The following ELK1 variants were observed in gnomAD, a reference collection of about 807,000 sequenced individuals.
ELK1 encodes ETS domain-containing protein Elk-1.
For missense variants in ELK1, 254 were observed against 381.5 expected (o/e 0.67, Z 2.78); for synonymous variants, 163 against 176.3 (o/e 0.92, Z 0.60).
At position 47,636,569 on chromosome X, in the gene ELK1, G is replaced by A. The variant is rs1028329600; in HGVS notation, c.*260C>T. Reference sequence around the variant, plus strand: ...CCTTCAAAAAATAAATAAATAAACCGCCCCTACCATTGAAGTAGGAGACGT... The same window carrying A: ...CCTTCAAAAAATAAATAAATAAACCACCCCTACCATTGAAGTAGGAGACGT... On this transcript the variant is annotated 3_prime_UTR_variant, in exon 7 of 7. Coordinates refer to ENST00000376983, the MANE Select transcript of ELK1 (RefSeq NM_001114123.3). The A allele has an allele frequency of 1.1e-4, 33 of 310,331 alleles. No individual in the cohort carries two copies. The highest frequency in any genetic ancestry group is 7.0e-4 in the African/African-American group (26 of 37,276). 25.6% of individuals were successfully genotyped at this position (310,331 alleles called of 1,213,427 possible). A position where few individuals can be genotyped will look rare whatever the true frequency, so the allele number is the denominator to read the frequency against.
Position 47,636,765 on chromosome X carries a change from T to G in ELK1, c.*64A>C. The G allele has an allele frequency of 1.0e-6, 1 of 987,054 alleles. No homozygotes were observed. Among genetic ancestry groups the G allele is most frequent in the Non-Finnish European group, 1.4e-6 (1 of 737,517 alleles). 81.3% of individuals were successfully genotyped at this position (987,054 alleles called of 1,213,427 possible). A position where few individuals can be genotyped will look rare whatever the true frequency, so the allele number is the denominator to read the frequency against. Reference sequence around the variant, plus strand: ...AGTTGAACTATGTTTCTCCTTGAGATGGCTGGCTGGAGAGAGCATGGATGG... The same window carrying G: ...AGTTGAACTATGTTTCTCCTTGAGAGGGCTGGCTGGAGAGAGCATGGATGG... On this transcript the variant is annotated 3_prime_UTR_variant, in exon 7 of 7. Transcript: ENST00000376983.
rs187339601 is a variant in ELK1 at position 47,645,651 on chromosome X, G to A, written c.-34-4176C>T. On this transcript the variant is annotated intron_variant, in intron 2 of 6. Transcript: ENST00000376983. Reference sequence around the variant, plus strand: ...CCTCTGTGGGGGAGGGCCTTCAGGCGGAGCGAACGGCGTGTACAAAGGCTC... The same window carrying A: ...CCTCTGTGGGGGAGGGCCTTCAGGCAGAGCGAACGGCGTGTACAAAGGCTC... Among the ~76,000 whole-genome samples, 224 of 112,227 alleles carry A rather than the reference G, an allele frequency of 2.0e-3. 1 individual carries two copies. The highest frequency in any genetic ancestry group is 6.8e-3 in the African/African-American group (211 of 30,929).
Position 47,636,882 on chromosome X carries a change from C to T in ELK1, c.1234G>A (p.Val412Met), listed in dbSNP as rs201735887. 192 of 1,167,174 alleles carry T rather than the reference C, an allele frequency of 1.6e-4. 1 individual carries two copies. In the East Asian group the frequency reaches 5.3e-3, roughly 32 times the overall value. ...ACCACGGGGGTCGAGAGGCCATCCA[C>T]GCTGATAGAAGGGATGTGCACCTGG... Reference protein sequence around the residue: ...SAQVHIPSISVDGLSTPVVLS... With the variant: ...SAQVHIPSISMDGLSTPVVLS... The change falls in exon 7 of 7, where the codon GTG (valine) becomes ATG (methionine). Residue 412 changes from valine to methionine, a missense_variant. By Grantham distance (21) the Val-to-Met change is conservative (BLOSUM62 1). Transcript: ENST00000376983.
intron 2 of ELK1, among the ~76,000 whole-genome samples, chrX:47,643,911 G>A (rs1432726284): frequency 9.0e-6 from 1 of 111,479 alleles, no homozygotes; most frequent in African/African-American, 3.3e-5. Context: ...TAGGCTAAAC[G>A]GCCCCTCACA....
In ELK1 at chrX:47,637,034, G is replaced by A. The variant is rs1397367673; in HGVS notation, c.1167C>T (p.Ser389=). Reference sequence around the variant, plus strand: ...CTACCTGGAAGGAGAGCTTGGCCGGGCTACGGGGCGCAATGGGACTCAGGG... The same window carrying A: ...CTACCTGGAAGGAGAGCTTGGCCGGACTACGGGGCGCAATGGGACTCAGGG... ...WSTLSPIAPR[S]PAKLSFQFPS... is the part of the protein sequence containing the mutation. Residue 389 remains serine (S), a synonymous_variant, in exon 6 of 7, where the codon AGC becomes AGT. Transcript: ENST00000376983. 8.3e-7 allele frequency: 1 copy of A among 1,210,453 alleles called. No homozygotes were observed. Among genetic ancestry groups the A allele is most frequent in the Non-Finnish European group, 1.1e-6 (1 of 894,994 alleles).
Position 47,636,823 on chromosome X carries a change from T to C in ELK1, c.*6A>G. ...CCAGAAGGGGTGGTGGTGGTGGTGG[T>C]AGTAGTCATGGCTTCTGGGGCCCTG... On this transcript the variant is annotated 3_prime_UTR_variant, in exon 7 of 7. Transcript: ENST00000376983. 1.8e-6 allele frequency: 2 copies of C among 1,134,878 alleles called. No homozygotes were observed. Among genetic ancestry groups the C allele is most frequent in the East Asian group, 3.3e-5 (1 of 30,499 alleles). The allele number at this position is 1,134,878 out of a possible 1,213,427, so 93.5% of individuals were successfully genotyped here. A position where few individuals can be genotyped will look rare whatever the true frequency, so the allele number is the denominator to read the frequency against.
At chrX:47,646,386 G>A (rs756534014) in intron 2 of ELK1, among the ~76,000 whole-genome samples, 3 of 110,983 alleles carry the variant, frequency 2.7e-5, no homozygotes, top group South Asian at 7.7e-4. Flanking sequence ...GGAACTCCTG[G>A]GCTCAAGTGA....
intron 2 of ELK1, among the ~76,000 whole-genome samples, chrX:47,642,408 T>C (rs2058031318): frequency 1.4e-5 from 1 of 70,067 alleles, no homozygotes; most frequent in African/African-American, 4.4e-5. Flanking sequence ...TTCAGGAGGT[T>C]TTTTTTTTGC....
intron 2 of ELK1, among the ~76,000 whole-genome samples, chrX:47,649,558 G>A (rs2058053244): frequency 9.1e-6 from 1 of 110,189 alleles, no homozygotes; most frequent in African/African-American, 3.3e-5. Flanking sequence ...AGGGGAAGGG[G>A]AGCAGAAAAC....
At chrX:47,649,521 G>A (rs2058053096) in intron 2 of ELK1, among the ~76,000 whole-genome samples, 1 of 110,833 alleles carries the variant, frequency 9.0e-6, no homozygotes, top group African/African-American at 3.3e-5. Flanking sequence ...CCACTGCAAA[G>A]GGAGGGGTGA....
At position 47,639,144 on chromosome X, in the gene ELK1, C is replaced by G; in HGVS notation, c.405G>C (p.Lys135Asn). The change falls in exon 4 of 7, where the codon AAG (lysine) becomes AAC (asparagine). Residue 135 changes from lysine to asparagine, a missense_variant. Physicochemically the swap from Lys to Asn is moderately conservative, Grantham distance 94. Coordinates refer to ENST00000376983, the MANE Select transcript of ELK1 (RefSeq NM_001114123.3). ...CGCCTGGGCCTGCCATTCCTGCACC[C>G]TTGGGTGTGCCTGGCTTTCCAGAGA... ...DTVSGKPGTP[K>N]GAGMAGPGGL... 1.7e-6 allele frequency: 2 copies of G among 1,207,382 alleles called. No homozygotes were observed. The highest frequency in any genetic ancestry group is 2.2e-6 in the Non-Finnish European group (2 of 893,253).
intron 2 of ELK1, among the ~76,000 whole-genome samples, chrX:47,647,546 AGT>A (rs2058047536): frequency 8.9e-6 from 1 of 112,021 alleles, no homozygotes; most frequent in African/African-American, 3.3e-5. Context: ...CACCTAGAAG[AGT>A]GCCTGGTACT....
At chrX:47,650,359 CG>C in intron 1 of ELK1, 63 bp downstream of exon 1, 1 of 264,993 alleles carries the variant, frequency 3.8e-6, no homozygotes, top group Admixed American at 4.4e-5. Context: ...ATCCTCTGCG[CG>C]GGGGCGGGAA....
chrX:47,648,148 T>C (rs1226474807), intron 2 of ELK1, among the ~76,000 whole-genome samples: 3 of 109,675 alleles, frequency 2.7e-5, no homozygotes, highest in Admixed American at 9.6e-5. Context: ...TTTTTTTTTT[T>C]CAGAAAAAGG....
chrX:47,639,903 G>A (rs1024365647), intron 3 of ELK1, among the ~76,000 whole-genome samples: 4 of 112,875 alleles, frequency 3.5e-5, no homozygotes, highest in African/African-American at 9.7e-5. Context: ...GTAAATTAAT[G>A]TAGATGGATG....
At chrX:47,639,406 G>T in intron 3 of ELK1, 68 bp from the exon 4 acceptor site, 1 of 920,235 alleles carries the variant, frequency 1.1e-6, no homozygotes, top group Non-Finnish European at 1.5e-6. Flanking sequence ...GGTGTCAGGG[G>T]GGAGGAGGGG....
In ELK1 at chrX:47,639,006, G is replaced by A; in HGVS notation, c.543C>T (p.Leu181=). 1 of 1,201,561 alleles carries A rather than the reference G, an allele frequency of 8.3e-7. No homozygotes were observed. The change falls in exon 4 of 7, where the codon CTC becomes CTT. Residue 181 remains leucine (L), a synonymous_variant. Coordinates refer to ENST00000376983, the MANE Select transcript of ELK1 (RefSeq NM_001114123.3). ...PPPHPRPAVV[L]PSAAPAGAAA... ...CTGCCCCTGCAGGAGCTGCACTGGG[G>A]AGCACCACAGCAGGCCGAGGATGAG...
chrX:47,637,673 A>T, intron 5 of ELK1, 78 bp downstream of exon 5: 1 of 1,084,395 alleles, frequency 9.2e-7, no homozygotes, highest in Non-Finnish European at 1.2e-6. Context: ...CCCTCCTCTG[A>T]TTCCTGTCAG....
intron 2 of ELK1, among the ~76,000 whole-genome samples, chrX:47,649,687 A>C (rs889759639): frequency 9.0e-6 from 1 of 110,752 alleles, no homozygotes; most frequent in Admixed American, 9.6e-5. Context: ...TAAAGCACTA[A>C]ACTAACCCAC....
Sources: gnomAD v4.1 joint callset for allele counts (sites outside exome capture counted in the v4.1 genomes callset) on GRCh38, gnomAD v4.1.1 for gene constraint, MANE v1.5 for transcripts, NCBI Gene and HGNC (gene_info 2026-07-23, HGNC 2026-07-21) for gene names.